Variants in SDR9C7 observed in about 807,000 individuals in gnomAD.
SDR9C7 encodes the protein short-chain dehydrogenase/reductase family 9C member 7.
SDR9C7 carries 11 observed loss-of-function variants against 23.6 expected under a neutral mutation model. The ratio of observed to expected loss-of-function variants is 0.47; its 90% CI spans 0.29 to 0.77. The LOEUF is 0.77. SDR9C7 is among the 30% of genes least tolerant of loss of function. SDR9C7 has a pLI of 0.09. For missense variants in SDR9C7, 387 were observed against 407.1 expected, an observed-to-expected ratio of 0.95 and a Z score of 0.42; for synonymous variants, 167 against 157.3, an observed-to-expected ratio of 1.06 and a Z score of -0.46.
intron 3 of SDR9C7, among the ~76,000 whole-genome samples, chr12:56,928,771 G>A (rs970396689): frequency 5.3e-5 from 8 of 152,194 alleles, no homozygotes; most frequent in African/African-American, 1.9e-4. Flanking sequence ...CAGCTGCCGT[G>A]TCCCACCTCT....
intron 3 of SDR9C7, among the ~76,000 whole-genome samples, chr12:56,926,648 A>G (rs1184698293): frequency 6.6e-6 from 1 of 152,216 alleles, no homozygotes; most frequent in East Asian, 1.9e-4. Context: ...GAGGAATTGT[A>G]CTTTATAAAT....
In SDR9C7 at chr12:56,929,704, T is replaced by G. The variant is rs541420720; in HGVS notation, c.561-151A>C. The G allele has an allele frequency of 6.2e-4, 579 of 928,732 alleles. 6 individuals carry two copies. The South Asian group carries it at 9.4e-3, about 15-fold the overall frequency. 57.5% of individuals were successfully genotyped at this position (928,732 alleles called of 1,614,324 possible). A position where few individuals can be genotyped will look rare whatever the true frequency, so the allele number is the denominator to read the frequency against. On this transcript the variant is annotated intron_variant, in intron 2 of 3. Coordinates refer to ENST00000293502, the MANE Select transcript of SDR9C7 (RefSeq NM_148897.3). ...CATTGCCTTTGTGCAAATAAGCCCT[T>G]CCTTAGGGACTCAGCCCTTTCCAAA...
intron 3 of SDR9C7, among the ~76,000 whole-genome samples, chr12:56,924,888 TCCA>T (rs1241684356): frequency 1.3e-5 from 2 of 152,166 alleles, no homozygotes; most frequent in Admixed American, 1.3e-4. Context: ...GCCACTGCAT[TCCA>T]GCCTGGGCAA....
chr12:56,927,428 C>T (rs7296999), intron 3 of SDR9C7, among the ~76,000 whole-genome samples: 13,875 of 152,248 alleles, frequency 0.091, 710 homozygotes, highest in Middle Eastern at 0.14. Context: ...TATTCTTCCC[C>T]ACACATGCTA....
At chr12:56,932,526 T>C (rs1035864163) in intron 1 of SDR9C7, among the ~76,000 whole-genome samples, 1 of 152,214 alleles carries the variant, frequency 6.6e-6, no homozygotes, top group Non-Finnish European at 1.5e-5. Flanking sequence ...GTTTGTATTG[T>C]CTTCAGACCC....
Position 56,930,357 on chromosome 12 carries a change from GT to G in SDR9C7, c.428del (p.His143ProfsTer44). On this transcript the variant is annotated frameshift_variant, in exon 2 of 4. Coordinates refer to ENST00000293502, the MANE Select transcript of SDR9C7 (RefSeq NM_148897.3). LOFTEE classifies it high-confidence loss of function. ...GGGCTCTCTTGACCATGGGCAGCAT[GT>G]GAAGGGTCACTTCGATCAGTCCCAC... ...NLVGLIEVTL[H>X]MLPMVKRARG... 6.2e-7 allele frequency: 1 copy of G among 1,614,180 alleles called. No individual in the cohort carries two copies.
intron 2 of SDR9C7, 99 bp from the exon 3 acceptor site, chr12:56,929,652 T>A: frequency 7.4e-7 from 1 of 1,358,204 alleles, no homozygotes; most frequent in Non-Finnish European, 1.0e-6. Flanking sequence ...CTAGAGATGC[T>A]TCTCTCACCC....
In SDR9C7 at chr12:56,933,945, A is replaced by G. The variant is rs1351121716; in HGVS notation, c.301+16T>C. ...AAGGAGAAACCAAGAAAGCCAAAGA[A>G]TGTAATTCGCCCCACCTTGTTCGCC... On this transcript the variant is annotated intron_variant, in intron 1 of 3. Coordinates refer to ENST00000293502, the MANE Select transcript of SDR9C7 (RefSeq NM_148897.3). The G allele has an allele frequency of 2.5e-6, 4 of 1,595,180 alleles. No individual in the cohort carries two copies. Among genetic ancestry groups the G allele is most frequent in the Admixed American group, 1.7e-5 (1 of 59,170 alleles).
At chr12:56,926,552 G>A (rs997870135) in intron 3 of SDR9C7, among the ~76,000 whole-genome samples, 1 of 152,144 alleles carries the variant, frequency 6.6e-6, no homozygotes, top group Non-Finnish European at 1.5e-5. Flanking sequence ...AGACTATAAT[G>A]GCAATGGCAA....
intron 1 of SDR9C7, 123 bp downstream of exon 1, chr12:56,933,838 T>G: frequency 1.7e-6 from 2 of 1,190,762 alleles, no homozygotes; most frequent in Non-Finnish European, 1.2e-6. Context: ...GCAGGGGCCT[T>G]TCCCTACATC....
In SDR9C7 at chr12:56,934,203, A is replaced by C. The variant is rs1955784781; in HGVS notation, c.59T>G (p.Val20Gly). 2 of 1,614,084 alleles carry C rather than the reference A, an allele frequency of 1.2e-6. No homozygotes were observed. Among genetic ancestry groups the C allele is most frequent in the African/African-American group, 2.7e-5 (2 of 74,922 alleles). The change falls in exon 1 of 4, where the codon GTT (valine) becomes GGT (glycine). Residue 20 changes from valine to glycine, a missense_variant. By Grantham distance (109) the Val-to-Gly change is moderately radical. Coordinates refer to ENST00000293502, the MANE Select transcript of SDR9C7 (RefSeq NM_148897.3). ...MYRWFKNCNL[V>G]GNLSEKYVFI... ...GACGTACTTCTCTGAGAGGTTGCCA[A>C]CCAGATTGCAGTTCTTGAACCAGCG...
chr12:56,928,359 C>A (rs1955747674), intron 3 of SDR9C7, among the ~76,000 whole-genome samples: 1 of 152,212 alleles, frequency 6.6e-6, no homozygotes, highest in Admixed American at 6.5e-5. Context: ...TCAAAGTCAA[C>A]TCAGAAGCTC....
In SDR9C7 at chr12:56,934,230, T is replaced by C. The variant is rs1381002955; in HGVS notation, c.32A>G (p.Tyr11Cys). 5 of 1,613,994 alleles carry C rather than the reference T, an allele frequency of 3.1e-6. No homozygotes were observed. The highest frequency in any genetic ancestry group is 2.7e-5 in the African/African-American group (2 of 74,918). Reference sequence around the variant, plus strand: ...CAGATTGCAGTTCTTGAACCAGCGATACATAAATGAGAGGTCTGTGAGGGC... The same window carrying C: ...CAGATTGCAGTTCTTGAACCAGCGACACATAAATGAGAGGTCTGTGAGGGC... MAALTDLSFMYRWFKNCNLVG... is the reference protein window; with the variant it reads MAALTDLSFMCRWFKNCNLVG... Residue 11 changes from tyrosine (Y) to cysteine (C), a missense_variant, in exon 1 of 4, where the codon TAT becomes TGT. Physicochemically the swap from Tyr to Cys is radical, Grantham distance 194. Transcript: ENST00000293502.
chr12:56,934,220 G>C lies in SDR9C7; in HGVS notation c.42C>G (p.Phe14Leu). The C allele has an allele frequency of 6.2e-7, 1 of 1,614,208 alleles. No individual in the cohort carries two copies. Residue 14 changes from phenylalanine (F) to leucine (L), a missense_variant, in exon 1 of 4, where the codon TTC becomes TTG. Phe to Leu is a conservative substitution (Grantham distance 22). Coordinates refer to ENST00000293502, the MANE Select transcript of SDR9C7 (RefSeq NM_148897.3). ...LTDLSFMYRWFKNCNLVGNLS... is the reference protein window; with the variant it reads ...LTDLSFMYRWLKNCNLVGNLS... ...GGTTGCCAACCAGATTGCAGTTCTT[G>C]AACCAGCGATACATAAATGAGAGGT...
chr12:56,930,102 C>T (rs1955758761), intron 2 of SDR9C7, 124 bp downstream of exon 2: 2 of 1,195,018 alleles, frequency 1.7e-6, no homozygotes, highest in Non-Finnish European at 2.4e-6. Flanking sequence ...GAGGTCTAAC[C>T]TTCCTTCTGC....
In SDR9C7 at chr12:56,929,377, C is replaced by T. The variant is rs748083622; in HGVS notation, c.724+13G>A. ...CCCCCCTCAGAGACCCCTCTCCTGC[C>T]CCAGGAACTTACAGATGCGGAAATA... On this transcript the variant is annotated intron_variant, in intron 3 of 3. Transcript: ENST00000293502. 3 of 1,594,588 alleles carry T rather than the reference C, an allele frequency of 1.9e-6. No individual in the cohort carries two copies. In the South Asian group the frequency reaches 3.3e-5, roughly 18 times the overall value.
In SDR9C7 at chr12:56,934,141, G is replaced by A. The variant is rs1480841628; in HGVS notation, c.121C>T (p.Leu41=). 1 of 1,614,226 alleles carries A rather than the reference G, an allele frequency of 6.2e-7. No homozygotes were observed. Among genetic ancestry groups the A allele is most frequent in the Admixed American group, 1.7e-5 (1 of 60,028 alleles). The change falls in exon 1 of 4, where the codon CTG becomes TTG. Residue 41 remains leucine, a synonymous_variant. Coordinates refer to ENST00000293502, the MANE Select transcript of SDR9C7 (RefSeq NM_148897.3). Reference sequence around the variant, plus strand: ...CCCCGATCAACCAGCTGTTTGGCCAGCAGGTTCCCGAAGCCAGAGTCACAG... The same window carrying A: ...CCCCGATCAACCAGCTGTTTGGCCAACAGGTTCCCGAAGCCAGAGTCACAG... The part of the protein sequence containing the change: ...TGCDSGFGNL[L]AKQLVDRGMQ...
rs1405544260 is a variant in SDR9C7, at chr12:56,924,017, G to A, written c.758C>T (p.Ala253Val). Residue 253 changes from alanine (A) to valine (V), a missense_variant, in exon 4 of 4, where the codon GCA becomes GTA. Coordinates refer to ENST00000293502, the MANE Select transcript of SDR9C7 (RefSeq NM_148897.3). ...TDKLKNIMQV[A>V]EPRVRDVINS... ...GATGACATCTCTGACTCTGGGCTCTGCCACCTGCATTATGTTTTTTAACTT... is the reference window on the plus strand; with the variant it reads ...GATGACATCTCTGACTCTGGGCTCTACCACCTGCATTATGTTTTTTAACTT... The A allele has an allele frequency of 1.9e-6, 3 of 1,613,528 alleles. No individual in the cohort carries two copies. Among genetic ancestry groups the A allele is most frequent in the Non-Finnish European group, 2.5e-6 (3 of 1,179,760 alleles).
intron 3 of SDR9C7, among the ~76,000 whole-genome samples, chr12:56,929,089 C>T (rs907748889): frequency 6.6e-6 from 1 of 152,190 alleles, no homozygotes; most frequent in Non-Finnish European, 1.5e-5. Context: ...CTCCAGCAGC[C>T]ATGCCCTTGA....
Sources: gnomAD v4.1 joint callset for allele counts (sites outside exome capture counted in the v4.1 genomes callset) on GRCh38, gnomAD v4.1.1 for gene constraint, MANE v1.5 for transcripts, NCBI Gene and HGNC (gene_info 2026-07-23, HGNC 2026-07-21) for gene names.